Variants in CLSTN2 observed in about 807,000 individuals in gnomAD.
CLSTN2 encodes the protein calsyntenin 2.
CLSTN2 carries 48 observed loss-of-function variants against 101.2 expected under a neutral mutation model. The ratio of observed to expected loss-of-function variants is 0.47; its 90% CI spans 0.38 to 0.60. The LOEUF (loss-of-function observed/expected upper bound fraction) is 0.60, where lower values mean the gene tolerates loss of function less well. CLSTN2 is among the 20% of genes least tolerant of loss of function. CLSTN2 has a pLI of 0.00. For synonymous variants in CLSTN2, 481 were observed against 463.6 expected (o/e 1.04, Z -0.48); for missense variants, 1,160 against 1,238.2 (o/e 0.94, Z 0.95).
chr3:140,527,303 T>C (rs1356236428), intron 8 of CLSTN2, among the ~76,000 whole-genome samples: 4 of 151,986 alleles, frequency 2.6e-5, no homozygotes, highest in Admixed American at 1.3e-4. Context: ...AGATGTAAAA[T>C]TGGCCAACAA....
rs200944284 is a variant in CLSTN2, at chr3:140,549,485, G to C, written c.1674+2804G>C. On this transcript the variant is annotated intron_variant, in intron 10 of 16. Transcript: ENST00000458420. ...CATGGCTGGTAAGAACTAGAGCACC[G>C]TGTGAGAAGTTAATAAGACGCCCAA... Among the ~76,000 whole-genome samples, 5 of 151,078 alleles carry C rather than the reference G, an allele frequency of 3.3e-5. No homozygotes were observed. In the East Asian group the frequency reaches 6.0e-4, roughly 18 times the overall value.
chr3:140,038,193 A>C (rs2007695948), intron 1 of CLSTN2, among the ~76,000 whole-genome samples: 1 of 152,038 alleles, frequency 6.6e-6, no homozygotes, highest in Non-Finnish European at 1.5e-5. Flanking sequence ...TTTCACTGCA[A>C]CCTTGCCAGC....
At chr3:140,068,868 C>T (rs2008344739) in intron 1 of CLSTN2, among the ~76,000 whole-genome samples, 1 of 152,264 alleles carries the variant, frequency 6.6e-6, no homozygotes, top group East Asian at 1.9e-4. Context: ...TGATTAAGAG[C>T]CTAGGTTCTA....
chr3:139,978,050 G>C (rs1935850463), intron 1 of CLSTN2, among the ~76,000 whole-genome samples: 1 of 152,124 alleles, frequency 6.6e-6, no homozygotes, highest in Non-Finnish European at 1.5e-5. Flanking sequence ...GGAACCCTGT[G>C]CCAAACACAA....
intron 2 of CLSTN2, among the ~76,000 whole-genome samples, chr3:140,349,525 C>T (rs999924324): frequency 3.9e-5 from 6 of 152,128 alleles, no homozygotes; most frequent in African/African-American, 1.4e-4. Flanking sequence ...TTAATACAAT[C>T]CTGTAGATTC....
intron 2 of CLSTN2, among the ~76,000 whole-genome samples, chr3:140,319,041 T>A (rs2087257977): frequency 6.6e-6 from 1 of 152,212 alleles, no homozygotes; most frequent in African/African-American, 2.4e-5. Context: ...CCCTGAATTT[T>A]ATACTGTTTA....
chr3:140,528,926 C>G (rs555082205), intron 8 of CLSTN2, among the ~76,000 whole-genome samples: 1 of 152,362 alleles, frequency 6.6e-6, no homozygotes, highest in South Asian at 2.1e-4. Flanking sequence ...CTCATAACTT[C>G]TGTATCTCTT....
intron 8 of CLSTN2, among the ~76,000 whole-genome samples, chr3:140,471,066 T>A (rs924099883): frequency 2.0e-5 from 3 of 152,100 alleles, no homozygotes; most frequent in Admixed American, 6.5e-5. Context: ...CCTGTGACAA[T>A]CCAGGGCATC....
At chr3:140,030,255 T>C (rs1305650304) in intron 1 of CLSTN2, among the ~76,000 whole-genome samples, 1 of 152,160 alleles carries the variant, frequency 6.6e-6, no homozygotes, top group Non-Finnish European at 1.5e-5. Flanking sequence ...GAGAGACAGA[T>C]GATATTATTC....
chr3:140,551,638 A>G (rs920939359), intron 10 of CLSTN2, among the ~76,000 whole-genome samples: 2 of 152,106 alleles, frequency 1.3e-5, no homozygotes, highest in Non-Finnish European at 2.9e-5. Context: ...CCTATTAACC[A>G]TGTTTAGGTG....
chr3:140,330,150 G>T (rs2087368683), intron 2 of CLSTN2, among the ~76,000 whole-genome samples: 1 of 152,204 alleles, frequency 6.6e-6, no homozygotes, highest in South Asian at 2.1e-4. Flanking sequence ...AACTCTTTGG[G>T]AAGGGAATCT....
At chr3:140,175,316 A>G (rs1387526478) in intron 1 of CLSTN2, among the ~76,000 whole-genome samples, 1 of 150,666 alleles carries the variant, frequency 6.6e-6, no homozygotes, top group Non-Finnish European at 1.5e-5. Context: ...CAAATTATTG[A>G]AGAACAATTT....
At chr3:140,564,467 GCTAA>G (rs1024871582) in intron 16 of CLSTN2, among the ~76,000 whole-genome samples, 34 of 152,234 alleles carry the variant, frequency 2.2e-4, no homozygotes, top group African/African-American at 7.5e-4. Context: ...TTAGCTCAGA[GCTAA>G]CTAACACTTA....
intron 1 of CLSTN2, among the ~76,000 whole-genome samples, chr3:140,064,546 C>T (rs915866022): frequency 1.3e-5 from 2 of 152,200 alleles, no homozygotes; most frequent in African/African-American, 2.4e-5. Context: ...CAATGACCAC[C>T]TATTACTAGA....
At chr3:140,469,999 T>G (rs1341961920) in intron 8 of CLSTN2, among the ~76,000 whole-genome samples, 2 of 152,192 alleles carry the variant, frequency 1.3e-5, no homozygotes, top group African/African-American at 4.8e-5. Context: ...AGGATCTTAC[T>G]AGATTTACCA....
chr3:140,489,481 G>A (rs1934298915), intron 8 of CLSTN2, among the ~76,000 whole-genome samples: 1 of 152,084 alleles, frequency 6.6e-6, no homozygotes, highest in African/African-American at 2.4e-5. Flanking sequence ...GGGAGAGAAA[G>A]GTAATTACAG....
At chr3:140,094,500 G>A (rs1216657256) in intron 1 of CLSTN2, among the ~76,000 whole-genome samples, 1 of 151,982 alleles carries the variant, frequency 6.6e-6, no homozygotes, top group Non-Finnish European at 1.5e-5. Context: ...ATTTTAATTA[G>A]CATCAATTCC....
At chr3:140,494,444 G>A (rs1934419349) in intron 8 of CLSTN2, among the ~76,000 whole-genome samples, 1 of 152,128 alleles carries the variant, frequency 6.6e-6, no homozygotes, top group African/African-American at 2.4e-5. Flanking sequence ...ATTATTTTTT[G>A]TTTGTTTTCA....
At chr3:140,515,490 T>A (rs1259259922) in intron 8 of CLSTN2, among the ~76,000 whole-genome samples, 1 of 152,176 alleles carries the variant, frequency 6.6e-6, no homozygotes, top group African/African-American at 2.4e-5. Flanking sequence ...TCAGACTTAC[T>A]GATGTAGGGA....
Sources: gnomAD v4.1 joint callset for allele counts (sites outside exome capture counted in the v4.1 genomes callset) on GRCh38, gnomAD v4.1.1 for gene constraint, MANE v1.5 for transcripts, NCBI Gene and HGNC (gene_info 2026-07-23, HGNC 2026-07-21) for gene names.